Variants in MNT observed in about 807,000 individuals in gnomAD.
MNT encodes max-binding protein MNT.
In MNT, 13 loss-of-function variants were observed where a neutral mutation model predicts 40.7. The ratio of observed to expected loss-of-function variants is 0.32; its 90% confidence interval spans 0.21 to 0.51. The LOEUF (loss-of-function observed/expected upper bound fraction) is 0.51, where lower values mean the gene tolerates loss of function less well. Ranked by LOEUF, MNT falls within the 20% of genes least tolerant of loss-of-function variation. The pLI is 0.98. For synonymous variants in MNT, 426 were observed against 354.8 expected, an observed-to-expected ratio of 1.20 and a Z score of -2.26; for missense variants, 757 against 792.0, an observed-to-expected ratio of 0.96 and a Z score of 0.53.
chr17:2,394,498 G>A, intron 2 of MNT, 152 bp from the exon 3 acceptor site: 7 of 1,144,798 alleles, frequency 6.1e-6, no homozygotes, highest in East Asian at 4.7e-5. Flanking sequence ...GCCATGCTGC[G>A]CCCACCCCCT....
intron 2 of MNT, among the ~76,000 whole-genome samples, chr17:2,394,612 G>T (rs1370340825): frequency 6.6e-6 from 1 of 152,098 alleles, no homozygotes; most frequent in Non-Finnish European, 1.5e-5. Context: ...GTTGACCCCA[G>T]CCCTCACCCA....
At chr17:2,388,816 C>T (rs1167514709) in intron 4 of MNT, among the ~76,000 whole-genome samples, 1 of 152,176 alleles carries the variant, frequency 6.6e-6, no homozygotes, top group African/African-American at 2.4e-5. Context: ...TCAATCCCAC[C>T]CTTTCAAGTC....
intron 1 of MNT, among the ~76,000 whole-genome samples, chr17:2,399,459 C>T (rs960606946): frequency 6.6e-6 from 1 of 152,204 alleles, no homozygotes; most frequent in Non-Finnish European, 1.5e-5. Context: ...AATGTGAGCT[C>T]TAAATGTCTC....
Position 2,385,149 on chromosome 17 carries a change from GGA to G in MNT, c.*1750_*1751del, listed in dbSNP as rs1257415166. 2 of 152,268 alleles carry G rather than the reference GGA, an allele frequency of 1.3e-5. No individual in the cohort carries two copies. Among genetic ancestry groups the G allele is most frequent in the African/African-American group, 4.8e-5 (2 of 41,454 alleles). 9.4% of individuals were successfully genotyped at this position (152,268 alleles called of 1,614,324 possible). A position where few individuals can be genotyped will look rare whatever the true frequency, so the allele number is the denominator to read the frequency against. ...TGTAACTGTCCCTTTACCCACACCA[GGA>G]GAGAGAAATAAGGAACAGTCCCCTG... On this transcript the variant is annotated 3_prime_UTR_variant, in exon 6 of 6. Coordinates refer to ENST00000174618, the MANE Select transcript of MNT (RefSeq NM_020310.3).
Position 2,387,264 on chromosome 17 carries a change from T to C in MNT, c.1386A>G (p.Pro462=). The change falls in exon 6 of 6, where the codon CCA becomes CCG. Residue 462 remains proline (P), a synonymous_variant. Transcript: ENST00000174618. ...IQTVNHVLQG[P]GGKHIAHIAP... ...CGATGTGGGCGATGTGCTTGCCGCCTGGCCCCTGCAGAACGTGGTTCACAG... is the reference window on the plus strand; with the variant it reads ...CGATGTGGGCGATGTGCTTGCCGCCCGGCCCCTGCAGAACGTGGTTCACAG... The C allele has an allele frequency of 6.2e-7, 1 of 1,613,136 alleles. No individual in the cohort carries two copies. The highest frequency in any genetic ancestry group is 8.5e-7 in the Non-Finnish European group (1 of 1,179,672).
intron 1 of MNT, among the ~76,000 whole-genome samples, chr17:2,397,620 C>T (rs151083996): frequency 2.2e-3 from 341 of 152,248 alleles, no homozygotes; most frequent in African/African-American, 7.5e-3. Context: ...AGAACCACGC[C>T]GGTACACCTC....
At chr17:2,399,874 C>A (rs768705536) in intron 1 of MNT, among the ~76,000 whole-genome samples, 1 of 152,124 alleles carries the variant, frequency 6.6e-6, no homozygotes, top group Non-Finnish European at 1.5e-5. Context: ...CGGGGCGCAG[C>A]GAGGGGGGCC....
chr17:2,394,277 GCACACACACACACACA>G lies in MNT; in HGVS notation c.695+12_695+27del. On this transcript the variant is annotated intron_variant, in intron 3 of 5. Transcript: ENST00000174618. ...CCGGGTCGCGCGCGCACGCACGCAC[GCACACACACACACACA>G]CACACACACACCTGTTCTTCTCCAA... The G allele has an allele frequency of 6.0e-6, 9 of 1,487,680 alleles. No homozygotes were observed. Among genetic ancestry groups the G allele is most frequent in the South Asian group, 3.7e-5 (3 of 80,466 alleles). The allele number at this position is 1,487,680 out of a possible 1,614,324, so 92.2% of individuals were successfully genotyped here.
At position 2,386,725 on chromosome 17, in the gene MNT, G is replaced by A. The variant is rs2066464865; in HGVS notation, c.*176C>T. 1.0e-5 allele frequency: 6 copies of A among 580,674 alleles called. No individual in the cohort carries two copies. The highest frequency in any genetic ancestry group is 1.7e-5 in the Non-Finnish European group (6 of 345,640). 36.0% of individuals were successfully genotyped at this position (580,674 alleles called of 1,614,324 possible). A position where few individuals can be genotyped will look rare whatever the true frequency, so the allele number is the denominator to read the frequency against. The stretch of plus-strand genomic sequence containing the variant: ...CATCTTACCAAGTCCTAGTGCAGCA[G>A]GGTGGCCCTTCCCTCCCTTGGCTCA... On this transcript the variant is annotated 3_prime_UTR_variant, in exon 6 of 6. Transcript: ENST00000174618.
intron 2 of MNT, among the ~76,000 whole-genome samples, 183 bp downstream of exon 2, chr17:2,394,692 C>G (rs1180412294): frequency 6.6e-6 from 1 of 152,150 alleles, no homozygotes; most frequent in Non-Finnish European, 1.5e-5. Flanking sequence ...TTAGGAAACA[C>G]AGAAGCCTGG....
Position 2,387,430 on chromosome 17 carries a change from G to C in MNT, c.1220C>G (p.Thr407Ser), listed in dbSNP as rs754636674. Residue 407 changes from threonine to serine, a missense_variant, in exon 6 of 6, where the codon ACC becomes AGC. Physicochemically the swap from Thr to Ser is moderately conservative, Grantham distance 58. Coordinates refer to ENST00000174618, the MANE Select transcript of MNT (RefSeq NM_020310.3). Reference protein sequence around the residue: ...PVQQQQPQQKTPLPAPPPPPA... With the variant: ...PVQQQQPQQKSPLPAPPPPPA... ...TGGGGGAGGAGGGGCTGGCAGAGGG[G>C]TCTTCTGCTGTGGCTGCTGCTGCTG... is the stretch of plus-strand genomic sequence containing the variant. 1 of 1,612,054 alleles carries C rather than the reference G, an allele frequency of 6.2e-7. No individual in the cohort carries two copies.
chr17:2,394,221 CG>C (rs1249484054), intron 3 of MNT, 67 bp from the exon 4 acceptor site: 2 of 1,581,184 alleles, frequency 1.3e-6, no homozygotes, highest in African/African-American at 1.4e-5. Context: ...GAGGCAGGAC[CG>C]GGGAAGCTGG....
At position 2,386,966 on chromosome 17, in the gene MNT, C is replaced by T. The variant is rs1385219467; in HGVS notation, c.1684G>A (p.Val562Met). Residue 562 changes from valine to methionine, a missense_variant, in exon 6 of 6, where the codon GTG becomes ATG. Transcript: ENST00000174618. ...VHHPQLVGQT[V>M]LNPVTMVTMP... ...GTGACCATGGTCACAGGGTTGAGCA[C>T]GGTCTGGCCCACCAGCTGGGGGTGG... 8 of 1,521,338 alleles carry T rather than the reference C, an allele frequency of 5.3e-6. No individual in the cohort carries two copies. The highest frequency in any genetic ancestry group is 2.1e-5 in the Admixed American group (1 of 48,668). The allele number at this position is 1,521,338 out of a possible 1,614,324, so 94.2% of individuals were successfully genotyped here.
At chr17:2,399,522 T>TG (rs1322845335) in intron 1 of MNT, among the ~76,000 whole-genome samples, 1 of 152,152 alleles carries the variant, frequency 6.6e-6, no homozygotes, top group Non-Finnish European at 1.5e-5. Flanking sequence ...ACACAGGAGG[T>TG]TAGGGGCCAG....
chr17:2,389,091 G>C (rs1310522219), intron 4 of MNT, among the ~76,000 whole-genome samples: 1 of 150,990 alleles, frequency 6.6e-6, no homozygotes, highest in Non-Finnish European at 1.5e-5. Context: ...TTACCCCCTA[G>C]ATCTTATCTG....
At position 2,396,201 on chromosome 17, in the gene MNT, G is replaced by T. The variant is rs375270720; in HGVS notation, c.74-747C>A. Among the ~76,000 whole-genome samples the T allele has an allele frequency of 7.9e-5, 12 of 152,266 alleles. No individual in the cohort carries two copies. The East Asian group carries it at 1.9e-3, about 24-fold the overall frequency. On this transcript the variant is annotated intron_variant, in intron 1 of 5. Transcript: ENST00000174618. ...GAAACAGCCCAGCACTCTTGACTCC[G>T]AGGCTAGGTCCCAATGCCTGTTTTC...
At chr17:2,400,261 C>G (rs1047050418) in intron 1 of MNT, 1 of 233,604 alleles carries the variant, frequency 4.3e-6, no homozygotes, top group African/African-American at 2.4e-5. Flanking sequence ...CGTGCACACA[C>G]GCACGCACAC....
At chr17:2,395,530 C>T (rs1452082890) in intron 1 of MNT, 76 bp from the exon 2 acceptor site, 2 of 1,588,604 alleles carry the variant, frequency 1.3e-6, no homozygotes, top group Non-Finnish European at 8.5e-7. Context: ...TCCTCTGACC[C>T]TAGCCCAGTC....
intron 4 of MNT, chr17:2,390,754 A>G (rs2447094): frequency 1.2e-4 from 18 of 152,020 alleles, no homozygotes; most frequent in Admixed American, 8.5e-4. Context: ...TCCCACACCC[A>G]CTCCTGCATA....
Sources: gnomAD v4.1 joint callset for allele counts (sites outside exome capture counted in the v4.1 genomes callset) on GRCh38, gnomAD v4.1.1 for gene constraint, MANE v1.5 for transcripts, NCBI Gene and HGNC (gene_info 2026-07-23, HGNC 2026-07-21) for gene names.